Variants in RASGRF1 observed in about 807,000 individuals in gnomAD.
RASGRF1 encodes the protein ras-specific guanine nucleotide-releasing factor 1.
Under a neutral mutation model 138.7 loss-of-function variants are expected in RASGRF1, and 40 were observed. The observed-to-expected ratio is 0.29, with a 90% CI of 0.22 to 0.38. The LOEUF is 0.38. RASGRF1 is among the 10% of genes least tolerant of loss of function. The pLI is 1.00. For synonymous variants in RASGRF1, 614 were observed against 663.2 expected (o/e 0.93, Z 1.14); for missense variants, 1,108 against 1,650.4 (o/e 0.67, Z 5.69).
chr15:79,071,955 C>T (rs1265809155), intron 1 of RASGRF1, among the ~76,000 whole-genome samples: 2 of 152,116 alleles, frequency 1.3e-5, no homozygotes, highest in Non-Finnish European at 2.9e-5. Flanking sequence ...ATCTTCTGGC[C>T]CTAAGACTTG....
chr15:79,062,336 A>G (rs1166902052), intron 2 of RASGRF1, among the ~76,000 whole-genome samples: 2 of 152,100 alleles, frequency 1.3e-5, no homozygotes, highest in African/African-American at 4.8e-5. Context: ...GTTCTTCCTC[A>G]CTCAGTTTTA....
intron 1 of RASGRF1, among the ~76,000 whole-genome samples, chr15:79,075,106 G>A (rs932585920): frequency 2.0e-5 from 3 of 152,196 alleles, no homozygotes; most frequent in Non-Finnish European, 4.4e-5. Flanking sequence ...GGACACTGGA[G>A]TTTGACGTAG....
chr15:78,986,971 G>A (rs1417482880), intron 22 of RASGRF1, among the ~76,000 whole-genome samples: 2 of 152,064 alleles, frequency 1.3e-5, no homozygotes, highest in Non-Finnish European at 2.9e-5. Context: ...TTATATAAAA[G>A]TTATACTAAT....
intron 20 of RASGRF1, among the ~76,000 whole-genome samples, chr15:78,993,095 G>A (rs2056306210): frequency 1.4e-5 from 2 of 147,958 alleles, no homozygotes; most frequent in East Asian, 2.0e-4. Context: ...TGGTGTGTAT[G>A]GGGTGTTTGT....
At chr15:79,071,885 G>C (rs2057761214) in intron 1 of RASGRF1, among the ~76,000 whole-genome samples, 1 of 152,168 alleles carries the variant, frequency 6.6e-6, no homozygotes, top group African/African-American at 2.4e-5. Flanking sequence ...GGCTGTGACT[G>C]AGTGTACCAG....
rs2057070628 is a variant in RASGRF1 at position 79,027,197 on chromosome 15, T to A, written c.1381+544A>T. Among the ~76,000 whole-genome samples the A allele has an allele frequency of 6.6e-6, 1 of 151,980 alleles. No homozygotes were observed. Among genetic ancestry groups the A allele is most frequent in the African/African-American group, 2.4e-5 (1 of 41,382 alleles). ...GCCACAGAGAGCCTTCACCCACCCC[T>A]CTCAACGGGGCCGTGCCTCTCAAAC... On this transcript the variant is annotated intron_variant, in intron 9 of 26. Transcript: ENST00000558480. This position sits in a 1 kb window ranked among gnomAD's most constrained non-coding sequence, Gnocchi z 4.8.
Position 78,980,640 on chromosome 15 carries a change from A to G in RASGRF1, c.3474T>C (p.Asn1158=). ...KLVSSEGRFK[N]LREALKNCDP... The stretch of plus-strand genomic sequence containing the variant: ...CTTACTTTTTCAGAGCTTCTCTGAG[A>G]TTCTTAAATCTGCCCTCAGATGACA... The change falls in exon 24 of 27, where the codon AAT becomes AAC. Residue 1158 remains asparagine, a synonymous_variant. Coordinates refer to ENST00000558480, the MANE Select transcript of RASGRF1 (RefSeq NM_001145648.3). 6.2e-7 allele frequency: 1 copy of G among 1,605,848 alleles called. No homozygotes were observed. The highest frequency in any genetic ancestry group is 8.5e-7 in the Non-Finnish European group (1 of 1,172,920).
rs377164583 is a variant in RASGRF1, at chr15:78,991,706, T to C, written c.3116A>G (p.Lys1039Arg). ...QLTLLDHLVF[K>R]KIPYEEFFGQ... ...CAACACTTACTCATAAGGAATCTTC[T>C]TGAAGACGAGGTGATCTAGCAGGGT... Residue 1039 changes from lysine to arginine, a missense_variant, in exon 21 of 27, where the codon AAG becomes AGG. By Grantham distance (26) the Lys-to-Arg change is conservative. Transcript: ENST00000558480. 7 of 1,613,936 alleles carry C rather than the reference T, an allele frequency of 4.3e-6. No homozygotes were observed. The highest frequency in any genetic ancestry group is 5.9e-6 in the Non-Finnish European group (7 of 1,179,918).
Position 79,027,962 on chromosome 15 carries a change from C to T in RASGRF1, c.1263-103G>A. The T allele has an allele frequency of 4.3e-6, 5 of 1,161,514 alleles. No individual in the cohort carries two copies. The highest frequency in any genetic ancestry group is 1.3e-5 in the South Asian group (1 of 75,266). The allele number at this position is 1,161,514 out of a possible 1,614,324, so 72.0% of individuals were successfully genotyped here. A position where few individuals can be genotyped will look rare whatever the true frequency, so the allele number is the denominator to read the frequency against. The stretch of plus-strand genomic sequence containing the variant: ...CCAGACCTAGGAAGAAAGCCTGGCA[C>T]AAGGATTCTCAGGTGGAGTCTGTGG... On this transcript the variant is annotated intron_variant, in intron 8 of 26. Coordinates refer to ENST00000558480, the MANE Select transcript of RASGRF1 (RefSeq NM_001145648.3). This position sits in a 1 kb window ranked among gnomAD's most constrained non-coding sequence, Gnocchi z 4.8.
At chr15:79,011,681 C>A (rs1055731484) in intron 13 of RASGRF1, among the ~76,000 whole-genome samples, 1 of 152,164 alleles carries the variant, frequency 6.6e-6, no homozygotes, top group Non-Finnish European at 1.5e-5. Context: ...TGCATGGGCT[C>A]CTTGGTTCAA....
At chr15:78,969,193 A>G (rs2055702357) in intron 26 of RASGRF1, among the ~76,000 whole-genome samples, 1 of 152,220 alleles carries the variant, frequency 6.6e-6, no homozygotes, top group Admixed American at 6.5e-5. Flanking sequence ...AATGCTACAC[A>G]TCAAGACTCA....
chr15:78,999,742 C>A lies in RASGRF1; in HGVS notation c.2746+1G>T. 1.2e-6 allele frequency: 2 copies of A among 1,613,348 alleles called. No individual in the cohort carries two copies. The highest frequency in any genetic ancestry group is 1.1e-5 in the South Asian group (1 of 91,050). On this transcript the variant is annotated splice_donor_variant, in intron 17 of 26. Transcript: ENST00000558480. LOFTEE classifies it high-confidence loss of function. ...CTGTGAGTGGAGAACACCCCACATA[C>A]CTGCACTGGCTAAGGACATCCTCCG...
intron 3 of RASGRF1, among the ~76,000 whole-genome samples, chr15:79,057,650 A>G (rs1266231486): frequency 1.3e-5 from 2 of 152,164 alleles, no homozygotes; most frequent in African/African-American, 2.4e-5. Context: ...GTGCTTCCTA[A>G]GGTTTAATGT....
chr15:79,041,979 C>A (rs1488635122), intron 5 of RASGRF1, among the ~76,000 whole-genome samples: 1 of 152,226 alleles, frequency 6.6e-6, no homozygotes, highest in Admixed American at 6.5e-5. Context: ...GCCACTGGGA[C>A]AGGATGCCTC....
chr15:79,007,545 G>GTTTTTTTTT (rs5813951), intron 13 of RASGRF1, among the ~76,000 whole-genome samples: 6 of 108,970 alleles, frequency 5.5e-5, no homozygotes, highest in Non-Finnish European at 7.0e-5. Context: ...GCCGTATCTA[G>GTTTTTTTTT]TTTTTTTTTT....
intron 3 of RASGRF1, among the ~76,000 whole-genome samples, chr15:79,056,005 C>A (rs1361643458): frequency 5.3e-5 from 8 of 152,160 alleles, no homozygotes; most frequent in Non-Finnish European, 1.0e-4. Flanking sequence ...CCTGCTCTCA[C>A]ATGGTGAGCT....
chr15:79,031,582 G>C (rs1398322129), intron 7 of RASGRF1, 73 bp from the exon 8 acceptor site: 24 of 715,800 alleles, frequency 3.4e-5, no homozygotes, highest in African/African-American at 5.6e-5. Flanking sequence ...GGCAGGGGCA[G>C]ACAGGGAGTG....
chr15:78,961,945 G>A lies in RASGRF1; in HGVS notation c.*199C>T, dbSNP rs2055551061. On this transcript the variant is annotated 3_prime_UTR_variant, in exon 27 of 27. Coordinates refer to ENST00000558480, the MANE Select transcript of RASGRF1 (RefSeq NM_001145648.3). ...AAAAGAAACAGGCACTGCAGGAGACGAGGGGAGGGATGGGTGGGCGAAGTC... is the reference window on the plus strand; with the variant it reads ...AAAAGAAACAGGCACTGCAGGAGACAAGGGGAGGGATGGGTGGGCGAAGTC... 1 of 552,190 alleles carries A rather than the reference G, an allele frequency of 1.8e-6. No individual in the cohort carries two copies. 34.2% of individuals were successfully genotyped at this position (552,190 alleles called of 1,614,324 possible).
intron 1 of RASGRF1, among the ~76,000 whole-genome samples, chr15:79,082,874 C>A (rs547757895): frequency 6.6e-6 from 1 of 152,192 alleles, no homozygotes; most frequent in East Asian, 1.9e-4. Flanking sequence ...TTCCAGCCTG[C>A]GAGAGACCCC....
Sources: gnomAD v4.1 joint callset for allele counts (sites outside exome capture counted in the v4.1 genomes callset) on GRCh38, gnomAD v4.1.1 for gene constraint, Gnocchi (gnomAD v3.1) non-coding constraint, MANE v1.5 for transcripts, NCBI Gene and HGNC (gene_info 2026-07-23, HGNC 2026-07-21) for gene names.